The following ZNF326 variants were observed in gnomAD, a reference collection of about 807,000 sequenced individuals.
ZNF326 encodes the protein DBIRD complex subunit ZNF326.
In ZNF326, 30 loss-of-function variants were observed where a neutral mutation model predicts 63.1. The observed-to-expected ratio is 0.48, with a 90% CI of 0.36 to 0.64. The LOEUF (loss-of-function observed/expected upper bound fraction) is 0.64, where lower values mean the gene tolerates loss of function less well. Ranked by LOEUF, ZNF326 falls within the 30% of genes least tolerant of loss-of-function variation. ZNF326 has a pLI of 0.00. For synonymous variants in ZNF326, 194 were observed against 228.2 expected, an observed-to-expected ratio of 0.85 and a Z score of 1.35; for missense variants, 609 against 720.3, an observed-to-expected ratio of 0.85 and a Z score of 1.77.
At chr1:89,997,658 A>G (rs1055676302) in intron 1 of ZNF326, among the ~76,000 whole-genome samples, 2 of 152,250 alleles carry the variant, frequency 1.3e-5, no homozygotes, top group Non-Finnish European at 2.9e-5. Context: ...GGCGTGAGCC[A>G]CCGTGCCCGG....
intron 2 of ZNF326, among the ~76,000 whole-genome samples, chr1:89,999,797 G>A (rs1648578036): frequency 1.3e-5 from 2 of 152,138 alleles, no homozygotes. Context: ...GATTCAATTT[G>A]ACTTTGTTCA....
At chr1:89,995,319 GT>G in intron 1 of ZNF326, 46 bp downstream of exon 1, 1 of 1,531,366 alleles carries the variant, frequency 6.5e-7, no homozygotes, top group Non-Finnish European at 8.8e-7. Flanking sequence ...AGGAGGCGGG[GT>G]GGCCTACGCA....
At chr1:90,020,128 T>TA (rs1485122076) in intron 9 of ZNF326, among the ~76,000 whole-genome samples, 4 of 152,128 alleles carry the variant, frequency 2.6e-5, no homozygotes, top group Non-Finnish European at 4.4e-5. Context: ...TTTCTTATCT[T>TA]ACGATTTTAT....
In ZNF326 at chr1:90,027,543, G is replaced by A; in HGVS notation, c.1591G>A (p.Gly531Ser). 6.2e-7 allele frequency: 1 copy of A among 1,609,058 alleles called. No individual in the cohort carries two copies. The highest frequency in any genetic ancestry group is 1.7e-4 in the Middle Eastern group (1 of 6,052). ...VEEVREGGIE[G>S]EGNIQGVGEG... ...GGAAGTGAGAGAAGGAGGAATAGAG[G>A]GCGAGGGAAATATACAGGGAGTAGG... Residue 531 changes from glycine to serine, a missense_variant, in exon 12 of 12, where the codon GGC becomes AGC. Gly to Ser is a moderately conservative substitution (Grantham distance 56). Around this residue, in one of 3 missense-constraint regions of ZNF326, gnomAD observed 399 missense variants for 444.3 expected, o/e 0.90. Coordinates refer to ENST00000340281, the MANE Select transcript of ZNF326 (RefSeq NM_182976.4).
rs1650281827 is a variant in ZNF326 at position 90,031,756 on chromosome 1, CATT to C, written c.*4058_*4060del. ...TGTATTTTTAATAGAGATGGGGTTTCATTATATTGGTTAGGTTGGTCTTGAACT... is the reference window on the plus strand; with the variant it reads ...TGTATTTTTAATAGAGATGGGGTTTCATATTGGTTAGGTTGGTCTTGAACT... On this transcript the variant is annotated 3_prime_UTR_variant, in exon 12 of 12. Transcript: ENST00000340281. 1 of 152,010 alleles carries C rather than the reference CATT, an allele frequency of 6.6e-6. No homozygotes were observed. The highest frequency in any genetic ancestry group is 2.4e-5 in the African/African-American group (1 of 41,352). The allele number at this position is 152,010 out of a possible 1,614,324, so 9.4% of individuals were successfully genotyped here.
chr1:90,011,131 A>G (rs1313912793), intron 6 of ZNF326, among the ~76,000 whole-genome samples: 1 of 152,156 alleles, frequency 6.6e-6, no homozygotes, highest in Admixed American at 6.5e-5. Context: ...CTTAAAGCAG[A>G]TATATATGTA....
intron 9 of ZNF326, 46 bp from the exon 10 acceptor site, chr1:90,020,746 A>G: frequency 6.4e-7 from 1 of 1,572,870 alleles, no homozygotes; most frequent in Non-Finnish European, 8.6e-7. Flanking sequence ...CATTGGTCAG[A>G]AATAACATAT....
chr1:90,009,368 T>A (rs981972635), intron 5 of ZNF326, among the ~76,000 whole-genome samples: 4 of 152,144 alleles, frequency 2.6e-5, no homozygotes, highest in Non-Finnish European at 4.4e-5. Context: ...TGTAGTAGAT[T>A]TGGATAATGA....
chr1:90,019,815 G>T (rs2816883), intron 9 of ZNF326, among the ~76,000 whole-genome samples: 14,922 of 152,036 alleles, frequency 0.098, 2,158 homozygotes, highest in African/African-American at 0.32. Flanking sequence ...ATCCAAAAAA[G>T]TTATCGTCTC....
At chr1:90,021,688 C>G (rs1453464814) in intron 10 of ZNF326, among the ~76,000 whole-genome samples, 2 of 152,002 alleles carry the variant, frequency 1.3e-5, no homozygotes, top group Non-Finnish European at 2.9e-5. Flanking sequence ...TAGAACATAC[C>G]CAAGTGTTAA....
At chr1:90,022,484 A>G (rs922813659) in intron 11 of ZNF326, 139 bp downstream of exon 11, 4 of 643,484 alleles carry the variant, frequency 6.2e-6, no homozygotes, top group African/African-American at 3.8e-5. Flanking sequence ...GCATATAGGT[A>G]AAACATCTTT....
Position 90,032,960 on chromosome 1 carries a change from C to G in ZNF326, c.*5259C>G, listed in dbSNP as rs1464339616. 6.6e-6 allele frequency: 1 copy of G among 152,200 alleles called. No homozygotes were observed. Among genetic ancestry groups the G allele is most frequent in the Non-Finnish European group, 1.5e-5 (1 of 68,036 alleles). 9.4% of individuals were successfully genotyped at this position (152,200 alleles called of 1,614,324 possible). A position where few individuals can be genotyped will look rare whatever the true frequency, so the allele number is the denominator to read the frequency against. ...TTATTCCTCATACTTAGAAAACAAG[C>G]ACACAAAGAAAAATCTGCCAGCTGT... On this transcript the variant is annotated 3_prime_UTR_variant, in exon 12 of 12. Coordinates refer to ENST00000340281, the MANE Select transcript of ZNF326 (RefSeq NM_182976.4).
At position 89,998,235 on chromosome 1, in the gene ZNF326, G is replaced by A. The variant is rs1648498503; in HGVS notation, c.61+81G>A. The A allele has an allele frequency of 3.6e-6, 5 of 1,396,488 alleles. No individual in the cohort carries two copies. The Admixed American group carries it at 9.2e-5, about 26-fold the overall frequency. The allele number at this position is 1,396,488 out of a possible 1,614,324, so 86.5% of individuals were successfully genotyped here. On this transcript the variant is annotated intron_variant, in intron 2 of 11. Coordinates refer to ENST00000340281, the MANE Select transcript of ZNF326 (RefSeq NM_182976.4). ...TAAAAGGCCAGTTCTACCTATTTCA[G>A]TCCTTGTTTTGGTTCTTGATATATC...
At chr1:89,995,383 C>T in intron 1 of ZNF326, 110 bp downstream of exon 1, 1 of 1,362,692 alleles carries the variant, frequency 7.3e-7, no homozygotes, top group Non-Finnish European at 9.6e-7. Context: ...TCTGCGGGCC[C>T]GGAGGCCGCC....
In ZNF326 at chr1:90,013,139, TA is replaced by T; in HGVS notation, c.833del (p.Asn278MetfsTer63). 1 of 1,610,308 alleles carries T rather than the reference TA, an allele frequency of 6.2e-7. No homozygotes were observed. The highest frequency in any genetic ancestry group is 8.5e-7 in the Non-Finnish European group (1 of 1,178,842). On this transcript the variant is annotated frameshift_variant, in exon 7 of 12. Coordinates refer to ENST00000340281, the MANE Select transcript of ZNF326 (RefSeq NM_182976.4). LOFTEE classifies it high-confidence loss of function. ...GTAATATCCTAGCAAAAACTGATCC[TA>T]AAAATGAAGAGGAAGAAAAGCGGCG... ...LSKSPTKTDP[K>X]NEEEEKRRIE...
intron 7 of ZNF326, among the ~76,000 whole-genome samples, chr1:90,015,043 C>G (rs1557524352): frequency 6.6e-6 from 1 of 152,002 alleles, no homozygotes; most frequent in African/African-American, 2.4e-5. Context: ...CTCTGTAACT[C>G]TAAATATAAA....
chr1:90,016,216 G>A (rs1394651763), intron 7 of ZNF326, among the ~76,000 whole-genome samples: 3 of 151,818 alleles, frequency 2.0e-5, no homozygotes, highest in African/African-American at 7.3e-5. Flanking sequence ...GAAAACCAAG[G>A]CCCAGAAAAC....
At chr1:90,013,861 A>T (rs1649368474) in intron 7 of ZNF326, among the ~76,000 whole-genome samples, 1 of 152,062 alleles carries the variant, frequency 6.6e-6, no homozygotes, top group Non-Finnish European at 1.5e-5. Context: ...CAGGAGATCA[A>T]GACCATCCTG....
At position 90,020,846 on chromosome 1, in the gene ZNF326, G is replaced by A; in HGVS notation, c.1229G>A (p.Cys410Tyr). ...GTAGAGACAGTTCATTGCAGCGCTT[G>A]CAGTGTTTATATCCCTGCTTTACAT... is the stretch of plus-strand genomic sequence containing the variant. ...MKVETVHCSA[C>Y]SVYIPALHSS... Residue 410 changes from cysteine (C) to tyrosine (Y), a missense_variant, in exon 10 of 12, where the codon TGC (cysteine) becomes TAC (tyrosine). Cys to Tyr is a radical substitution (Grantham distance 194). Transcript: ENST00000340281. 1 of 1,613,238 alleles carries A rather than the reference G, an allele frequency of 6.2e-7. No homozygotes were observed. The highest frequency in any genetic ancestry group is 8.5e-7 in the Non-Finnish European group (1 of 1,179,406).
Sources: allele counts gnomAD v4.1 joint callset (sites outside exome capture counted in the v4.1 genomes callset), GRCh38; gene constraint gnomAD v4.1.1; regional missense constraint gnomAD v4.1.1; transcripts MANE v1.5; gene names NCBI Gene and HGNC (gene_info 2026-07-23, HGNC 2026-07-21).